Variants in EMC1 observed in about 807,000 individuals in gnomAD.
The protein encoded by EMC1 is KIAA0090.
EMC1 carries 103 observed loss-of-function variants against 128.8 expected under a neutral mutation model. The observed-to-expected ratio is 0.80, with a 90% CI of 0.68 to 0.94. The LOEUF (loss-of-function observed/expected upper bound fraction) is 0.94, where lower values mean the gene tolerates loss of function less well. Among genes scored for constraint, EMC1 ranks in the 40% least tolerant of loss-of-function variants. The probability of loss-of-function intolerance (pLI) is 0.00; values close to 1 mark genes in which losing one functional copy is unlikely to be tolerated. For missense variants in EMC1, 1,083 were observed against 1,250.6 expected (o/e 0.87, Z 2.02); for synonymous variants, 442 against 490.4 (o/e 0.90, Z 1.30).
In EMC1 at chr1:19,245,072, C is replaced by T. The variant is rs528340574; in HGVS notation, c.96-42G>A. On this transcript the variant is annotated intron_variant, in intron 1 of 22. Transcript: ENST00000477853. ...ACAGGGGACCATAAGGAGCTAAAATCACCATTCCACAAAATGCTCCGGAAA... is the reference window on the plus strand; with the variant it reads ...ACAGGGGACCATAAGGAGCTAAAATTACCATTCCACAAAATGCTCCGGAAA... The T allele has an allele frequency of 3.9e-5, 62 of 1,607,026 alleles. No individual in the cohort carries two copies. In the East Asian group the frequency reaches 9.6e-4, roughly 25 times the overall value.
At chr1:19,236,967 CAAAAAAA>C (rs35897979) in intron 12 of EMC1, among the ~76,000 whole-genome samples, 168 bp downstream of exon 12, 2 of 58,362 alleles carry the variant, frequency 3.4e-5, no homozygotes, top group Non-Finnish European at 6.4e-5. Flanking sequence ...GACTCTATCT[CAAAAAAA>C]AAAAAAAAAA....
chr1:19,248,312 C>G (rs2093641128), intron 1 of EMC1, among the ~76,000 whole-genome samples: 2 of 152,108 alleles, frequency 1.3e-5, no homozygotes, highest in Non-Finnish European at 2.9e-5. Context: ...ATCCTCCCAC[C>G]TCAGCCTCCC....
rs776307756 is a variant in EMC1 at position 19,222,787 on chromosome 1, C to T, written c.2424G>A (p.Leu808=). The change falls in exon 20 of 23, where the codon CTG becomes CTA. Residue 808 remains leucine, a synonymous_variant. Transcript: ENST00000477853. ...TKARRNEFTV[L]ELYEGTEQYN... ...ATTGCTCAGTGCCCTCATAGAGCTC[C>T]AGTACGGTAAACTCGTTGCGCCGAG... is the stretch of plus-strand genomic sequence containing the variant. 3.1e-6 allele frequency: 5 copies of T among 1,613,878 alleles called. No individual in the cohort carries two copies. Among genetic ancestry groups the T allele is most frequent in the East Asian group, 2.2e-5 (1 of 44,866 alleles).
chr1:19,249,430 C>G (rs1042406706), intron 1 of EMC1, among the ~76,000 whole-genome samples: 2 of 152,114 alleles, frequency 1.3e-5, no homozygotes, highest in Admixed American at 6.5e-5. Context: ...CAATTGCCTA[C>G]AGTTTTCAGT....
intron 1 of EMC1, among the ~76,000 whole-genome samples, chr1:19,249,604 C>T (rs2093647908): frequency 6.6e-6 from 1 of 152,150 alleles, no homozygotes; most frequent in Non-Finnish European, 1.5e-5. Flanking sequence ...GTGATGCATA[C>T]CTGTATGTCT....
At chr1:19,243,041 G>A (rs1208110664) in intron 4 of EMC1, among the ~76,000 whole-genome samples, 2 of 152,124 alleles carry the variant, frequency 1.3e-5, no homozygotes, top group Non-Finnish European at 2.9e-5. Context: ...TTCGAGACCA[G>A]CCTGGCCAAC....
chr1:19,222,731 C>T lies in EMC1; in HGVS notation c.2480G>A (p.Arg827His), dbSNP rs145843835. The change falls in exon 20 of 23, where the codon CGC (arginine) becomes CAC (histidine). Residue 827 changes from arginine to histidine, a missense_variant. Around this residue, in one of 3 missense-constraint regions of EMC1, gnomAD observed 527 missense variants for 644.1 expected, o/e 0.82. Coordinates refer to ENST00000477853, the MANE Select transcript of EMC1 (RefSeq NM_015047.3). ...CTGGAGGACCTGGGGCAGCTGGGGG[C>T]GGTCCAGGGAGCTGAAGGCGGTGGC... ...YNATAFSSLD[R>H]PQLPQVLQQS... The T allele has an allele frequency of 4.3e-6, 7 of 1,613,920 alleles. No individual in the cohort carries two copies. The Admixed American group carries it at 5.0e-5, about 12-fold the overall frequency.
intron 13 of EMC1, 108 bp downstream of exon 13, chr1:19,235,022 A>T (rs918979712): frequency 7.5e-7 from 1 of 1,339,180 alleles, no homozygotes. Context: ...AAAGACTAGC[A>T]ATCTGCCCAG....
intron 21 of EMC1, 143 bp downstream of exon 21, chr1:19,220,621 G>A (rs2093424334): frequency 1.8e-6 from 1 of 552,134 alleles, no homozygotes. Context: ...CATGAGGGCA[G>A]GTGACTTTTT....
chr1:19,222,950 C>T, intron 19 of EMC1, 116 bp from the exon 20 acceptor site: 1 of 721,826 alleles, frequency 1.4e-6, no homozygotes, highest in South Asian at 2.0e-5. Flanking sequence ...GAACCATCAA[C>T]TAGCACCTCA....
rs1014402874 is a variant in EMC1, at chr1:19,240,382, A to G, written c.701T>C (p.Val234Ala). 1 of 1,614,232 alleles carries G rather than the reference A, an allele frequency of 6.2e-7. No homozygotes were observed. The highest frequency in any genetic ancestry group is 8.5e-7 in the Non-Finnish European group (1 of 1,180,032). ...SGACGVVDEA[V>A]LVCPDPSSRS... Reference sequence around the variant, plus strand: ...TGAGCTCGGGTCAGGACACACCAGGACAGCCTCATCCACCACACCACAGGC... The same window carrying G: ...TGAGCTCGGGTCAGGACACACCAGGGCAGCCTCATCCACCACACCACAGGC... Residue 234 changes from valine to alanine, a missense_variant, in exon 7 of 23, where the codon GTC (valine) becomes GCC (alanine). By Grantham distance (64) the Val-to-Ala change is moderately conservative (BLOSUM62 0). Transcript: ENST00000477853.
At chr1:19,222,888 G>A in intron 19 of EMC1, 54 bp from the exon 20 acceptor site, 3 of 1,421,350 alleles carry the variant, frequency 2.1e-6, no homozygotes, top group Middle Eastern at 1.8e-4. Context: ...CAACTGGAAA[G>A]GGAAATTGCA....
intron 15 of EMC1, among the ~76,000 whole-genome samples, chr1:19,231,950 T>TA (rs2093525966): frequency 6.6e-6 from 1 of 151,638 alleles, no homozygotes; most frequent in Non-Finnish European, 1.5e-5. Context: ...CAAGAACTAA[T>TA]AAAAAAGTCA....
intron 1 of EMC1, among the ~76,000 whole-genome samples, chr1:19,247,206 A>G (rs1280594431): frequency 1.3e-5 from 2 of 152,152 alleles, no homozygotes; most frequent in Non-Finnish European, 2.9e-5. Context: ...ACCACTATAG[A>G]TACACTTTTT....
intron 16 of EMC1, 36 bp downstream of exon 16, chr1:19,231,225 C>T (rs901956424): frequency 1.7e-5 from 27 of 1,566,066 alleles, no homozygotes; most frequent in Non-Finnish European, 2.2e-5. Context: ...AACCGGACTC[C>T]GCTAGCATGT....
chr1:19,222,616 T>C lies in EMC1; in HGVS notation c.2587+8A>G. 1.2e-6 allele frequency: 2 copies of C among 1,612,798 alleles called. No individual in the cohort carries two copies. The highest frequency in any genetic ancestry group is 1.7e-6 in the Non-Finnish European group (2 of 1,179,584). ...CCCAGCCATCCCAGAGGCTCCCCAG[T>C]CACTCACTCAGCAGGTGTCGGCTGG... On this transcript the variant is annotated splice_region_variant and intron_variant, in intron 20 of 22. Transcript: ENST00000477853.
In EMC1 at chr1:19,216,823, T is replaced by C. The variant is rs1008949798; in HGVS notation, c.*2480A>G. Reference sequence around the variant, plus strand: ...CTCCTACCTCAGCCTCCTGAGTAGCTAGGACCACAGGCACATGCCACCAGG... The same window carrying C: ...CTCCTACCTCAGCCTCCTGAGTAGCCAGGACCACAGGCACATGCCACCAGG... On this transcript the variant is annotated 3_prime_UTR_variant, in exon 23 of 23. Transcript: ENST00000477853. The C allele has an allele frequency of 1.3e-5, 2 of 152,276 alleles. No individual in the cohort carries two copies. Among genetic ancestry groups the C allele is most frequent in the Non-Finnish European group, 2.9e-5 (2 of 68,124 alleles). The allele number at this position is 152,276 out of a possible 1,614,324, so 9.4% of individuals were successfully genotyped here.
chr1:19,235,941 C>G (rs2093560226), intron 12 of EMC1, among the ~76,000 whole-genome samples: 1 of 152,090 alleles, frequency 6.6e-6, no homozygotes, highest in African/African-American at 2.4e-5. Flanking sequence ...CCCAGATTTT[C>G]TAGAGAGACT....
rs2093416617 is a variant in EMC1, at chr1:19,219,682, G to A, written c.2689C>T (p.Pro897Ser). 3.1e-6 allele frequency: 5 copies of A among 1,614,002 alleles called. No homozygotes were observed. The highest frequency in any genetic ancestry group is 4.2e-6 in the Non-Finnish European group (5 of 1,179,994). Residue 897 changes from proline to serine, a missense_variant, in exon 22 of 23, where the codon CCG becomes TCG. Coordinates refer to ENST00000477853, the MANE Select transcript of EMC1 (RefSeq NM_015047.3). ...TEQSREENLI[P>S]YSPDVQIHAE... ...TGTATCTGTACATCTGGAGAATACG[G>A]GATTAAGTTCTCCTCTCTGCAAAAC... is the stretch of plus-strand genomic sequence containing the variant.
Sources: allele counts gnomAD v4.1 joint callset (sites outside exome capture counted in the v4.1 genomes callset), GRCh38; gene constraint gnomAD v4.1.1; regional missense constraint gnomAD v4.1.1; transcripts MANE v1.5; gene names NCBI Gene and HGNC (gene_info 2026-07-23, HGNC 2026-07-21).